EXPH5: variants seen among roughly 807,000 people sequenced by gnomAD.
EXPH5 encodes the protein exophilin-5.
EXPH5 carries 42 observed loss-of-function variants against 41.1 expected under a neutral mutation model. That is an observed-to-expected ratio of 1.02 (90% CI 0.80 to 1.32). EXPH5 has a LOEUF of 1.32. EXPH5 is among the 40% of genes most tolerant of loss of function. EXPH5 has a pLI of 0.00. For missense variants in EXPH5, 2,298 were observed against 2,314.5 expected (o/e 0.99, Z 0.15); for synonymous variants, 798 against 833.5 (o/e 0.96, Z 0.73).
chr11:108,511,081 A>C lies in EXPH5; in HGVS notation c.4426T>G (p.Ser1476Ala). Residue 1476 changes from serine to alanine, a missense_variant, in exon 6 of 6, where the codon TCC becomes GCC. By Grantham distance (99) the Ser-to-Ala change is moderately conservative (BLOSUM62 1). Transcript: ENST00000265843. ...CCTTCCCTAGGCTGTGATCCACTGG[A>C]GCCATCACCTACAGCTGTGGATGTG... ...DHTSTAVGDG[S>A]SGSQPREGRG... 1 of 1,614,098 alleles carries C rather than the reference A, an allele frequency of 6.2e-7. No homozygotes were observed. Among genetic ancestry groups the C allele is most frequent in the Non-Finnish European group, 8.5e-7 (1 of 1,180,002 alleles).
At chr11:108,588,874 C>T (rs2094120806) in intron 1 of EXPH5, among the ~76,000 whole-genome samples, 1 of 152,090 alleles carries the variant, frequency 6.6e-6, no homozygotes, top group African/African-American at 2.4e-5. Context: ...GGGACAAATC[C>T]ACAGGAGTAA....
Position 108,514,371 on chromosome 11 carries a change from G to C in EXPH5, c.1136C>G (p.Ser379Cys), listed in dbSNP as rs760324161. The change falls in exon 6 of 6, where the codon TCT becomes TGT. Residue 379 changes from serine to cysteine, a missense_variant. Ser to Cys is a moderately radical substitution (Grantham distance 112). Transcript: ENST00000265843. ...CTCTTCCTGGTTCTCCCTGTCTCTA[G>C]AGGAATCTGATCTGTTCCATATGAT... ...SSIIWNRSDS[S>C]RDRENQEEFL... 1 of 1,613,846 alleles carries C rather than the reference G, an allele frequency of 6.2e-7. No homozygotes were observed. The highest frequency in any genetic ancestry group is 1.3e-5 in the African/African-American group (1 of 74,910).
chr11:108,547,836 G>A (rs1322702301), intron 1 of EXPH5, among the ~76,000 whole-genome samples: 6 of 152,152 alleles, frequency 3.9e-5, no homozygotes, highest in African/African-American at 9.6e-5. Context: ...TTGGCTGGGC[G>A]CAGTAGCTCA....
intron 1 of EXPH5, among the ~76,000 whole-genome samples, chr11:108,546,822 TA>T (rs1398770851): frequency 0.035 from 503 of 14,184 alleles, 1 homozygote; most frequent in Admixed American, 0.075. Context: ...CATTTTCTAT[TA>T]TTTTTTTTTT....
chr11:108,541,220 A>C (rs140639305), intron 2 of EXPH5, among the ~76,000 whole-genome samples: 5 of 152,124 alleles, frequency 3.3e-5, no homozygotes, highest in Admixed American at 2.6e-4. Flanking sequence ...AGCTTAATAC[A>C]TTATAAACAT....
intron 1 of EXPH5, among the ~76,000 whole-genome samples, chr11:108,562,358 C>G (rs113805984): frequency 6.9e-6 from 1 of 144,176 alleles, no homozygotes; most frequent in Non-Finnish European, 1.5e-5. Flanking sequence ...TTTGGGAGGT[C>G]GAGGTGGTGG....
chr11:108,512,397 C>T lies in EXPH5; in HGVS notation c.3110G>A (p.Gly1037Glu). 6.2e-7 allele frequency: 1 copy of T among 1,609,448 alleles called. No individual in the cohort carries two copies. Among genetic ancestry groups the T allele is most frequent in the Non-Finnish European group, 8.5e-7 (1 of 1,178,410 alleles). ...CAATGAAGCAGCCATTATTTTACTT[C>T]CTGACTGCCTGCCATGTATGAGAAA... Reference protein sequence around the residue: ...SSFLIHGRQSGSKIMAASLRN... With the variant: ...SSFLIHGRQSESKIMAASLRN... Residue 1037 changes from glycine (G) to glutamate (E), a missense_variant, in exon 6 of 6, where the codon GGA (glycine) becomes GAA (glutamate). Transcript: ENST00000265843.
chr11:108,555,066 T>G (rs1350768095), intron 1 of EXPH5, among the ~76,000 whole-genome samples: 1 of 152,202 alleles, frequency 6.6e-6, no homozygotes, highest in African/African-American at 2.4e-5. Flanking sequence ...AGCATGATCA[T>G]GAGAAAAGAA....
At chr11:108,562,298 T>TA (rs1457992335) in intron 1 of EXPH5, among the ~76,000 whole-genome samples, 1 of 134,402 alleles carries the variant, frequency 7.4e-6, no homozygotes, top group Non-Finnish European at 1.5e-5. Flanking sequence ...ATTGTGAAAG[T>TA]AAAATTACAT....
chr11:108,549,963 T>A (rs2093956028), intron 1 of EXPH5, among the ~76,000 whole-genome samples: 1 of 152,154 alleles, frequency 6.6e-6, no homozygotes, highest in Admixed American at 6.5e-5. Flanking sequence ...ACAGGTACAG[T>A]CAACAGCTGG....
Position 108,512,359 on chromosome 11 carries a change from G to C in EXPH5, c.3148C>G (p.Pro1050Ala). The C allele has an allele frequency of 6.2e-7, 1 of 1,611,576 alleles. No individual in the cohort carries two copies. ...IMAASLRNGP[P>A]PFQIKNNVED... ...ACATTATTTTTGATTTGGAAGGGAG[G>C]TGGCCCATTCCTCAATGAAGCAGCC... Residue 1050 changes from proline to alanine, a missense_variant, in exon 6 of 6, where the codon CCT becomes GCT. Physicochemically the swap from Pro to Ala is conservative, Grantham distance 27. Coordinates refer to ENST00000265843, the MANE Select transcript of EXPH5 (RefSeq NM_015065.3).
chr11:108,584,125 G>A (rs185292389), intron 1 of EXPH5, among the ~76,000 whole-genome samples: 2 of 152,230 alleles, frequency 1.3e-5, no homozygotes, highest in African/African-American at 2.4e-5. Context: ...AAAATCGGAT[G>A]GCTTATTTAA....
At chr11:108,602,475 A>G in the EXPH5 span, among the ~76,000 whole-genome samples, 3 of 152,024 alleles carry the variant, frequency 2.0e-5, no homozygotes, top group East Asian at 5.8e-4. Flanking sequence ...ATTTTCCAGA[A>G]AGGCAAATAA....
chr11:108,573,544 A>T (rs2094070069), intron 1 of EXPH5, among the ~76,000 whole-genome samples: 1 of 152,226 alleles, frequency 6.6e-6, no homozygotes. Flanking sequence ...CTGGTGCTAT[A>T]GCATTTCGCC....
intron 1 of EXPH5, among the ~76,000 whole-genome samples, chr11:108,581,081 T>C (rs1401255644): frequency 1.3e-5 from 2 of 151,842 alleles, no homozygotes; most frequent in African/African-American, 4.9e-5. Flanking sequence ...CTGAGGCAGG[T>C]AGATCACTTG....
intron 3 of EXPH5, 134 bp downstream of exon 3, chr11:108,538,890 C>T (rs2136023936): frequency 1.3e-6 from 1 of 768,058 alleles, no homozygotes; most frequent in Non-Finnish European, 2.0e-6. Context: ...AGTTAAGTCC[C>T]ATTTCCTTTG....
Position 108,589,333 on chromosome 11 carries a change from G to A in EXPH5, c.119+4085C>T, listed in dbSNP as rs552230033. Among the ~76,000 whole-genome samples the A allele has an allele frequency of 3.9e-5, 6 of 152,336 alleles. No individual in the cohort carries two copies. In the South Asian group the frequency reaches 1.2e-3, roughly 32 times the overall value. ...GGAGAGGAGAGGGCAGGCAGAATGT[G>A]TAGGGGAGGCAGGAGGCTTGTGTAT... On this transcript the variant is annotated intron_variant, in intron 1 of 5. Transcript: ENST00000265843.
At chr11:108,582,963 A>G (rs1038716453) in intron 1 of EXPH5, among the ~76,000 whole-genome samples, 1 of 152,188 alleles carries the variant, frequency 6.6e-6, no homozygotes, top group East Asian at 1.9e-4. Flanking sequence ...TAAAGACCCT[A>G]TTTCTAAGTA....
At chr11:108,583,607 A>G (rs1296603952) in intron 1 of EXPH5, among the ~76,000 whole-genome samples, 1 of 151,806 alleles carries the variant, frequency 6.6e-6, no homozygotes, top group African/African-American at 2.4e-5. Flanking sequence ...GGATCACTTG[A>G]GCCCGGGAGG....
Sources: allele counts gnomAD v4.1 joint callset (sites outside exome capture counted in the v4.1 genomes callset), GRCh38; gene constraint gnomAD v4.1.1; transcripts MANE v1.5; gene names NCBI Gene and HGNC (gene_info 2026-07-23, HGNC 2026-07-21).